NEGR1: variants seen among roughly 807,000 people sequenced by gnomAD.
NEGR1 encodes neuronal growth regulator 1.
Under a neutral mutation model 40.9 loss-of-function variants are expected in NEGR1, and 10 were observed. The ratio of observed to expected loss-of-function variants is 0.24; its 90% CI spans 0.15 to 0.42. The LOEUF is 0.42. Ranked by LOEUF, NEGR1 falls within the 10% of genes least tolerant of loss-of-function variation. NEGR1 has a pLI of 1.00. For synonymous variants in NEGR1, 185 were observed against 166.8 expected, an observed-to-expected ratio of 1.11 and a Z score of -0.84; for missense variants, 352 against 438.9, an observed-to-expected ratio of 0.80 and a Z score of 1.77.
chr1:72,222,036 G>C lies in NEGR1; in HGVS notation c.176+60283C>G, dbSNP rs1174221746. Among the ~76,000 whole-genome samples the C allele has an allele frequency of 4.6e-5, 7 of 152,066 alleles. No individual in the cohort carries two copies. The East Asian group carries it at 1.2e-3, about 25-fold the overall frequency. On this transcript the variant is annotated intron_variant, in intron 1 of 6. Coordinates refer to ENST00000357731, the MANE Select transcript of NEGR1 (RefSeq NM_173808.3). ...CCAGACTGACCCTGACACTGGGCTG[G>C]TAGTCATCAGGCCAGTACCTGTGAA...
At chr1:72,136,704 A>G (rs1446804218) in intron 1 of NEGR1, among the ~76,000 whole-genome samples, 1 of 151,972 alleles carries the variant, frequency 6.6e-6, no homozygotes, top group African/African-American at 2.4e-5. Flanking sequence ...CTTCATGACT[A>G]AAATACCAAA....
intron 2 of NEGR1, among the ~76,000 whole-genome samples, chr1:71,858,569 T>C (rs115823611): frequency 8.3e-4 from 127 of 152,154 alleles, no homozygotes; most frequent in Non-Finnish European, 1.4e-3. Context: ...TAAAGGAACT[T>C]AGCTGATATT....
At chr1:72,166,281 A>G (rs1031915094) in intron 1 of NEGR1, among the ~76,000 whole-genome samples, 4 of 152,068 alleles carry the variant, frequency 2.6e-5, no homozygotes, top group African/African-American at 9.7e-5. Flanking sequence ...AAGATGAAAG[A>G]TAAGTGTTGG....
At chr1:71,644,307 G>A (rs1019308075) in intron 4 of NEGR1, among the ~76,000 whole-genome samples, 3 of 151,648 alleles carry the variant, frequency 2.0e-5, no homozygotes, top group Non-Finnish European at 4.4e-5. Flanking sequence ...TCTAGTCCCC[G>A]CTCACACATC....
chr1:71,465,551 C>T (rs541109197), intron 6 of NEGR1, among the ~76,000 whole-genome samples: 2 of 152,098 alleles, frequency 1.3e-5, no homozygotes, highest in African/African-American at 4.8e-5. Flanking sequence ...GATCCTAGGG[C>T]TACGACCTTT....
intron 6 of NEGR1, among the ~76,000 whole-genome samples, chr1:71,575,888 T>C (rs1056683332): frequency 6.6e-6 from 1 of 152,226 alleles, no homozygotes; most frequent in Non-Finnish European, 1.5e-5. Flanking sequence ...ATTGGAAGGC[T>C]ACTAGGTTTT....
chr1:71,499,234 G>C (rs1646983972), intron 6 of NEGR1, among the ~76,000 whole-genome samples: 3 of 151,872 alleles, frequency 2.0e-5, no homozygotes, highest in Admixed American at 6.6e-5. Context: ...ATATGTATAA[G>C]CCAGTTTTTA....
At chr1:71,853,372 T>C (rs1190518104) in intron 2 of NEGR1, among the ~76,000 whole-genome samples, 2 of 152,082 alleles carry the variant, frequency 1.3e-5, no homozygotes, top group African/African-American at 2.4e-5. Context: ...AGATGACATA[T>C]AGGATTTAAT....
intron 4 of NEGR1, among the ~76,000 whole-genome samples, chr1:71,647,123 T>C (rs961022397): frequency 6.6e-6 from 1 of 151,814 alleles, no homozygotes; most frequent in Non-Finnish European, 1.5e-5. Context: ...ATATTGGCCC[T>C]AAAGTGTTCA....
At chr1:71,524,169 T>C (rs1647187936) in intron 6 of NEGR1, among the ~76,000 whole-genome samples, 1 of 151,800 alleles carries the variant, frequency 6.6e-6, no homozygotes, top group African/African-American at 2.4e-5. Context: ...AATCATTTAT[T>C]AGACCGAAAG....
chr1:72,093,329 C>CAAAAAAAAAAAAAAAAAAAAA (rs11370565), intron 1 of NEGR1, among the ~76,000 whole-genome samples: 1 of 118,870 alleles, frequency 8.4e-6, no homozygotes, highest in African/African-American at 4.0e-5. Flanking sequence ...GACTCTGCCT[C>CAAAAAAAAAAAAAAAAAAAAA]AAAAAAAAAA....
chr1:71,690,237 T>C (rs1448072038), intron 4 of NEGR1, among the ~76,000 whole-genome samples: 2 of 152,002 alleles, frequency 1.3e-5, no homozygotes, highest in East Asian at 3.9e-4. Flanking sequence ...AGGGGATTAA[T>C]TCAGTATTGT....
chr1:71,968,032 C>A (rs969906661), intron 1 of NEGR1, among the ~76,000 whole-genome samples: 3 of 149,308 alleles, frequency 2.0e-5, no homozygotes, highest in African/African-American at 7.4e-5. Flanking sequence ...GGAAGACCAG[C>A]TTCAAGAAGC....
At chr1:71,748,677 AATTGT>A (rs2101684748) in intron 3 of NEGR1, among the ~76,000 whole-genome samples, 1 of 152,270 alleles carries the variant, frequency 6.6e-6, no homozygotes, top group South Asian at 2.1e-4. Flanking sequence ...CCTTTTAAAA[AATTGT>A]ATTATAATTA....
At chr1:71,993,749 A>T (rs1243504822) in intron 1 of NEGR1, among the ~76,000 whole-genome samples, 1 of 152,196 alleles carries the variant, frequency 6.6e-6, no homozygotes, top group Admixed American at 6.5e-5. Flanking sequence ...TAGATGAATA[A>T]ATTAAACTAA....
At chr1:71,684,403 G>GTA (rs1302543714) in intron 4 of NEGR1, among the ~76,000 whole-genome samples, 8 of 152,110 alleles carry the variant, frequency 5.3e-5, no homozygotes, top group Non-Finnish European at 1.5e-5. Flanking sequence ...TTGTACATTT[G>GTA]TATATATTTT....
At chr1:71,659,351 T>G (rs1246065730) in intron 4 of NEGR1, among the ~76,000 whole-genome samples, 1 of 152,120 alleles carries the variant, frequency 6.6e-6, no homozygotes, top group Non-Finnish European at 1.5e-5. Flanking sequence ...TACTCTTAAG[T>G]GTAAAACACA....
chr1:71,566,563 T>G (rs1452643207), intron 6 of NEGR1, among the ~76,000 whole-genome samples: 1 of 152,170 alleles, frequency 6.6e-6, no homozygotes, highest in Non-Finnish European at 1.5e-5. Flanking sequence ...GTAACAGAGT[T>G]GGATTTGAAA....
chr1:71,994,191 A>T (rs1280836262), intron 1 of NEGR1, among the ~76,000 whole-genome samples: 3 of 152,170 alleles, frequency 2.0e-5, no homozygotes, highest in African/African-American at 7.2e-5. Context: ...GTCTTTTAGA[A>T]TTATGAGCCT....
Sources: allele counts gnomAD v4.1 joint callset (sites outside exome capture counted in the v4.1 genomes callset), GRCh38; gene constraint gnomAD v4.1.1; transcripts MANE v1.5; gene names NCBI Gene and HGNC (gene_info 2026-07-23, HGNC 2026-07-21).